Variants in TGM2 observed in about 807,000 individuals in gnomAD.
The protein encoded by TGM2 is protein-glutamine gamma-glutamyltransferase 2.
A neutral mutation model predicts 75.6 loss-of-function variants in TGM2; 53 were observed. The ratio of observed to expected loss-of-function variants is 0.70; its 90% confidence interval spans 0.56 to 0.88. The LOEUF (loss-of-function observed/expected upper bound fraction) is 0.88, where lower values mean the gene tolerates loss of function less well. Among genes scored for constraint, TGM2 ranks in the 40% least tolerant of loss-of-function variants. The pLI is 0.00. For synonymous variants in TGM2, 374 were observed against 381.1 expected (o/e 0.98, Z 0.22); for missense variants, 842 against 928.5 (o/e 0.91, Z 1.21).
chr20:38,156,339 TAA>T (rs1046893609), intron 2 of TGM2, among the ~76,000 whole-genome samples: 1 of 152,264 alleles, frequency 6.6e-6, no homozygotes, highest in African/African-American at 2.4e-5. Flanking sequence ...TGTCCTCAAC[TAA>T]AGAGTCCTCC....
chr20:38,166,926 G>A (rs192337956), upstream of TGM2, among the ~76,000 whole-genome samples: 292 of 152,290 alleles, frequency 1.9e-3, 1 homozygote, highest in African/African-American at 6.4e-3. Flanking sequence ...GAGGGAAGTC[G>A]GTCAAGAGGC....
intron 6 of TGM2, among the ~76,000 whole-genome samples, chr20:38,144,348 G>A (rs1600495629): frequency 2.6e-5 from 4 of 152,322 alleles, no homozygotes; most frequent in South Asian, 4.1e-4. Context: ...GAGAGAGGCC[G>A]CGGGTGTGGG....
intron 9 of TGM2, among the ~76,000 whole-genome samples, chr20:38,138,802 C>T (rs1045856144): frequency 1.3e-5 from 2 of 152,216 alleles, no homozygotes; most frequent in African/African-American, 4.8e-5. Flanking sequence ...TACCTAAAAT[C>T]CTTTCCCTCC....
intron 2 of TGM2, among the ~76,000 whole-genome samples, chr20:38,157,913 G>C (rs972167735): frequency 9.2e-5 from 14 of 152,222 alleles, no homozygotes; most frequent in African/African-American, 3.4e-4. Context: ...AGCAGATCGT[G>C]AGGACTGGAG....
intron 1 of TGM2, among the ~76,000 whole-genome samples, chr20:38,164,718 G>A (rs1317232186): frequency 2.0e-5 from 3 of 152,206 alleles, no homozygotes; most frequent in Non-Finnish European, 2.9e-5. Flanking sequence ...CTCCTGGATA[G>A]GATGCCGAAA....
intron 3 of TGM2, among the ~76,000 whole-genome samples, chr20:38,151,871 G>C (rs1442504817): frequency 6.6e-6 from 1 of 152,174 alleles, no homozygotes; most frequent in African/African-American, 2.4e-5. Flanking sequence ...CCAGTGAGGG[G>C]AGAAGAAGGA....
intron 3 of TGM2, among the ~76,000 whole-genome samples, chr20:38,155,638 G>A (rs775913706): frequency 1.8e-4 from 28 of 152,124 alleles, no homozygotes; most frequent in Non-Finnish European, 2.6e-4. Context: ...ATGGATCACT[G>A]AGCCCGGCCT....
chr20:38,132,584 G>T, intron 10 of TGM2, 84 bp from the exon 11 acceptor site: 2 of 1,561,042 alleles, frequency 1.3e-6, no homozygotes, highest in Non-Finnish European at 1.8e-6. Context: ...CACAGAGAGG[G>T]GAAGGAATGT....
At chr20:38,167,497 C>G (rs2075320928), upstream of TGM2, among the ~76,000 whole-genome samples, 1 of 152,118 alleles carries the variant, frequency 6.6e-6, no homozygotes, top group African/African-American at 2.4e-5. Context: ...GCCACCATGC[C>G]CAGTTAATAT....
intron 10 of TGM2, among the ~76,000 whole-genome samples, chr20:38,134,719 A>G (rs1285202558): frequency 6.6e-6 from 1 of 152,182 alleles, no homozygotes. Context: ...GAAAGGGTGG[A>G]GGCAGGAAGG....
intron 6 of TGM2, 76 bp downstream of exon 6, chr20:38,146,641 A>G: frequency 6.4e-7 from 1 of 1,555,696 alleles, no homozygotes; most frequent in Non-Finnish European, 8.8e-7. Context: ...CAGGGCAGGG[A>G]TGTCCTGATT....
intron 2 of TGM2, among the ~76,000 whole-genome samples, chr20:38,159,881 A>C (rs556864535): frequency 7.9e-5 from 12 of 152,332 alleles, no homozygotes; most frequent in African/African-American, 2.6e-4. Flanking sequence ...TGTGATTTTC[A>C]CTATCACAAG....
rs760616263 is a variant in TGM2, at chr20:38,131,140, G to C, written c.1866C>G (p.Phe622Leu). ...PLPVALEGCT[F>L]TVEGAGLTEE... The stretch of plus-strand genomic sequence containing the variant: ...CAGTCAGGCCGGCCCCCTCCACAGT[G>C]AAGGTGCAGCCTTCCAGGGCCACAG... Residue 622 changes from phenylalanine (F) to leucine (L), a missense_variant, in exon 12 of 13, where the codon TTC becomes TTG. By Grantham distance (22) the Phe-to-Leu change is conservative (BLOSUM62 0). Coordinates refer to ENST00000361475, the MANE Select transcript of TGM2 (RefSeq NM_004613.4). 1.2e-6 allele frequency: 2 copies of C among 1,613,690 alleles called. No homozygotes were observed. Among genetic ancestry groups the C allele is most frequent in the Non-Finnish European group, 1.7e-6 (2 of 1,180,012 alleles).
intron 2 of TGM2, among the ~76,000 whole-genome samples, chr20:38,160,034 C>A (rs2075235737): frequency 6.6e-6 from 1 of 152,108 alleles, no homozygotes; most frequent in Non-Finnish European, 1.5e-5. Context: ...ACTTTGGGGG[C>A]CAGTGTGCTT....
chr20:38,132,545 C>T, intron 10 of TGM2, 45 bp from the exon 11 acceptor site: 1 of 1,611,718 alleles, frequency 6.2e-7, no homozygotes, highest in Non-Finnish European at 8.5e-7. Flanking sequence ...CAGAATCACC[C>T]CTCCCAACTC....
chr20:38,132,259 T>A (rs2074843033), intron 11 of TGM2, 81 bp downstream of exon 11: 1 of 1,512,192 alleles, frequency 6.6e-7, no homozygotes, highest in East Asian at 2.3e-5. Context: ...GATGCAGGTG[T>A]GTGGGGTGGG....
intron 1 of TGM2, among the ~76,000 whole-genome samples, chr20:38,162,971 C>A (rs1404261371): frequency 2.0e-5 from 3 of 152,108 alleles, no homozygotes; most frequent in African/African-American, 7.2e-5. Context: ...GCTGTGTGAG[C>A]CTGGATAAGT....
chr20:38,143,871 A>G (rs1419029108), intron 6 of TGM2, among the ~76,000 whole-genome samples: 3 of 152,212 alleles, frequency 2.0e-5, no homozygotes, highest in Non-Finnish European at 4.4e-5. Flanking sequence ...TCGATAGGCC[A>G]GGGTAAGAGC....
At position 38,161,480 on chromosome 20, in the gene TGM2, G is replaced by T. The variant is rs748929671; in HGVS notation, c.130C>A (p.His44Asn). 2.5e-6 allele frequency: 4 copies of T among 1,614,072 alleles called. No individual in the cohort carries two copies. The highest frequency in any genetic ancestry group is 2.2e-5 in the South Asian group (2 of 91,090). ...GCCTCGTAGTTGCGGCCCTCAAAGT[G>T]CAGGGTCAGCCAGAAGGGCTGGCCC... ...RRGQPFWLTL[H>N]FEGRNYEASV... is the part of the protein sequence containing the mutation. The change falls in exon 2 of 13, where the codon CAC (histidine) becomes AAC (asparagine). Residue 44 changes from histidine to asparagine, a missense_variant. By Grantham distance (68) the His-to-Asn change is moderately conservative (BLOSUM62 1). Coordinates refer to ENST00000361475, the MANE Select transcript of TGM2 (RefSeq NM_004613.4).
Sources: allele counts gnomAD v4.1 joint callset (sites outside exome capture counted in the v4.1 genomes callset), GRCh38; gene constraint gnomAD v4.1.1; transcripts MANE v1.5; gene names NCBI Gene and HGNC (gene_info 2026-07-23, HGNC 2026-07-21).